UBE3B: variants seen among roughly 807,000 people sequenced by gnomAD.
UBE3B encodes the protein ubiquitin protein ligase E3B, also known as ubiquitin-protein ligase E3B.
A neutral mutation model predicts 132.3 loss-of-function variants in UBE3B; 80 were observed. The ratio of observed to expected loss-of-function variants is 0.60; its 90% CI spans 0.50 to 0.73. UBE3B has a LOEUF of 0.73. Ranked by LOEUF, UBE3B falls within the 30% of genes least tolerant of loss-of-function variation. UBE3B has a pLI of 0.00. For missense variants in UBE3B, 1,196 were observed against 1,362.5 expected, an observed-to-expected ratio of 0.88 and a Z score of 1.92; for synonymous variants, 487 against 520.4, an observed-to-expected ratio of 0.94 and a Z score of 0.87.
intron 3 of UBE3B, 71 bp from the exon 4 acceptor site, chr12:109,483,790 G>C: frequency 6.3e-7 from 1 of 1,588,588 alleles, no homozygotes; most frequent in Admixed American, 1.8e-5. Context: ...TTCTCATAAA[G>C]TGCTTGAAAA....
intron 24 of UBE3B, among the ~76,000 whole-genome samples, chr12:109,529,299 AC>A (rs1882710426): frequency 6.6e-6 from 1 of 152,056 alleles, no homozygotes; most frequent in East Asian, 1.9e-4. Flanking sequence ...AGACCCAGAG[AC>A]CCTCTGCTTG....
chr12:109,478,251 C>T (rs1874662028), intron 1 of UBE3B, 142 bp downstream of exon 1: 1 of 152,234 alleles, frequency 6.6e-6, no homozygotes, highest in Non-Finnish European at 1.5e-5. Context: ...CGTAATTTAA[C>T]TCCAGCTTAG....
rs796608851 is a variant in UBE3B at position 109,490,088 on chromosome 12, C to T, written c.630+84C>T. The T allele has an allele frequency of 9.8e-6, 13 of 1,331,854 alleles. No homozygotes were observed. In the African/African-American group the frequency reaches 1.9e-4, roughly 19 times the overall value. 82.5% of individuals were successfully genotyped at this position (1,331,854 alleles called of 1,614,324 possible). ...ATTTTTACATTTGCATTCAGCATAC[C>T]TGGTGTCCTCCTCAGAAACACTTTT... On this transcript the variant is annotated intron_variant, in intron 8 of 27. Transcript: ENST00000342494.
chr12:109,503,258 G>A lies in UBE3B; in HGVS notation c.1450+68G>A, dbSNP rs1176542952. ...CAGACAGTTTGTCTTAGCAAAAGTC[G>A]ATGTTTTTTTCTGGCTTCTTTGACT... On this transcript the variant is annotated intron_variant, in intron 14 of 27. Coordinates refer to ENST00000342494, the MANE Select transcript of UBE3B (RefSeq NM_130466.4). 8.3e-6 allele frequency: 13 copies of A among 1,563,356 alleles called. No individual in the cohort carries two copies. The East Asian group carries it at 1.4e-4, about 16-fold the overall frequency.
intron 2 of UBE3B, among the ~76,000 whole-genome samples, chr12:109,483,099 A>T (rs1376367750): frequency 6.6e-6 from 1 of 152,248 alleles, no homozygotes; most frequent in Non-Finnish European, 1.5e-5. Flanking sequence ...TACTTGGCAA[A>T]ATAAAAGCTG....
chr12:109,493,618 A>G (rs921465271), intron 9 of UBE3B, among the ~76,000 whole-genome samples: 2 of 152,238 alleles, frequency 1.3e-5, no homozygotes, highest in African/African-American at 4.8e-5. Flanking sequence ...ATGTTTGTAT[A>G]TAATTGAACA....
Position 109,497,856 on chromosome 12 carries a change from G to T in UBE3B, c.752G>T (p.Arg251Leu). 1 of 1,614,062 alleles carries T rather than the reference G, an allele frequency of 6.2e-7. No homozygotes were observed. The change falls in exon 10 of 28, where the codon CGG becomes CTG. Residue 251 changes from arginine (R) to leucine (L), a missense_variant. Transcript: ENST00000342494. Reference sequence around the variant, plus strand: ...GCACAGTTCTCAGACAATCTGATTCGGCCGTTCCTCATCCACATCATGTCT... The same window carrying T: ...GCACAGTTCTCAGACAATCTGATTCTGCCGTTCCTCATCCACATCATGTCT... The part of the protein sequence containing the change: ...IAAQFSDNLI[R>L]PFLIHIMSVP...
the UBE3B span, among the ~76,000 whole-genome samples, chr12:109,541,803 CT>C: frequency 6.6e-6 from 1 of 152,222 alleles, no homozygotes; most frequent in African/African-American, 2.4e-5. Context: ...CCCCTGCGTG[CT>C]TGGCTGTAAC....
chr12:109,497,921 G>A lies in UBE3B; in HGVS notation c.817G>A (p.Glu273Lys), dbSNP rs749457639. The change falls in exon 10 of 28, where the codon GAG becomes AAG. Residue 273 changes from glutamate to lysine, a missense_variant and splice_region_variant. Transcript: ENST00000342494. ...LVTHLSTVTP[E>K]RLTVLESHDM... ...GACTCATCTCAGCACAGTGACCCCT[G>A]AGGTAAGCAGGCTCTGTGAGTTCCC... 4.9e-5 allele frequency: 79 copies of A among 1,614,024 alleles called. No individual in the cohort carries two copies. Among genetic ancestry groups the A allele is most frequent in the Non-Finnish European group, 6.2e-5 (73 of 1,180,020 alleles).
chr12:109,478,744 G>C (rs1259434916), intron 1 of UBE3B, among the ~76,000 whole-genome samples: 2 of 152,238 alleles, frequency 1.3e-5, no homozygotes, highest in Non-Finnish European at 2.9e-5. Context: ...TCGCGCCGCT[G>C]CACTCCAGCC....
chr12:109,516,683 T>G, intron 18 of UBE3B, 82 bp from the exon 19 acceptor site: 2 of 1,565,966 alleles, frequency 1.3e-6, no homozygotes, highest in Middle Eastern at 1.7e-4. Flanking sequence ...CTAACTTCAG[T>G]TTCAGTCATT....
chr12:109,493,436 A>G (rs1281210010), intron 9 of UBE3B, among the ~76,000 whole-genome samples: 1 of 152,198 alleles, frequency 6.6e-6, no homozygotes, highest in Non-Finnish European at 1.5e-5. Context: ...CATATGATTC[A>G]CCAACATGCT....
chr12:109,495,116 A>T (rs944904514), intron 9 of UBE3B, among the ~76,000 whole-genome samples: 1 of 152,242 alleles, frequency 6.6e-6, no homozygotes, highest in Non-Finnish European at 1.5e-5. Flanking sequence ...CAGAGAGGTT[A>T]GCTCAGTTGG....
intron 21 of UBE3B, among the ~76,000 whole-genome samples, chr12:109,523,375 A>T (rs923203521): frequency 6.6e-6 from 1 of 152,198 alleles, no homozygotes; most frequent in South Asian, 2.1e-4. Flanking sequence ...TCTGGACAGA[A>T]TCCAGCCTGC....
At chr12:109,490,056 C>T in intron 8 of UBE3B, 52 bp downstream of exon 8, 1 of 1,554,936 alleles carries the variant, frequency 6.4e-7, no homozygotes, top group Non-Finnish European at 8.9e-7. Flanking sequence ...CCAACACCTG[C>T]ACTTGGATTT....
chr12:109,486,282 T>G (rs555709234), intron 5 of UBE3B, among the ~76,000 whole-genome samples, 189 bp from the exon 6 acceptor site: 1 of 152,224 alleles, frequency 6.6e-6, no homozygotes, highest in East Asian at 1.9e-4. Context: ...GATAGTAAAT[T>G]TTCTTACTAG....
Position 109,521,462 on chromosome 12 carries a change from C to T in UBE3B, c.2275C>T (p.Leu759=), listed in dbSNP as rs1467791179. The part of the protein sequence containing the change: ...LFKTTSGDER[L]YPSPTSYIHE... Reference sequence around the variant, plus strand: ...GCAGACAACCAGTGGGGATGAGAGGCTGTACCCCTCACCCACATCCTACAT... The same window carrying T: ...GCAGACAACCAGTGGGGATGAGAGGTTGTACCCCTCACCCACATCCTACAT... Residue 759 remains leucine (L), a synonymous_variant, in exon 21 of 28, where the codon CTG becomes TTG. Transcript: ENST00000342494. This position sits in a 1 kb window ranked among gnomAD's most constrained non-coding sequence, Gnocchi z 4.2. 68 of 1,593,424 alleles carry T rather than the reference C, an allele frequency of 4.3e-5. No homozygotes were observed. Among genetic ancestry groups the T allele is most frequent in the Non-Finnish European group, 5.8e-5 (68 of 1,166,542 alleles).
chr12:109,499,033 G>A (rs1295430447), intron 11 of UBE3B, among the ~76,000 whole-genome samples: 1 of 151,786 alleles, frequency 6.6e-6, no homozygotes, highest in Non-Finnish European at 1.5e-5. Context: ...TCACCATGTT[G>A]CCCAGTCTAG....
At chr12:109,543,649 A>G in the UBE3B span, among the ~76,000 whole-genome samples, 1 of 152,220 alleles carries the variant, frequency 6.6e-6, no homozygotes, top group Admixed American at 6.5e-5. Context: ...CCTGGCCAAC[A>G]TGGCGAAACC....
Sources: gnomAD v4.1 joint callset for allele counts (sites outside exome capture counted in the v4.1 genomes callset) on GRCh38, gnomAD v4.1.1 for gene constraint, Gnocchi (gnomAD v3.1) non-coding constraint, MANE v1.5 for transcripts, NCBI Gene and HGNC (gene_info 2026-07-23, HGNC 2026-07-21) for gene names.